ARL17B: variants seen among roughly 807,000 people sequenced by gnomAD.
ARL17B encodes ADP-ribosylation factor-like protein 17.
At position 46,302,495 on chromosome 17, in the gene ARL17B, A is replaced by G. The variant is rs908945351; in HGVS notation, c.260-2830T>C. 2.0e-4 allele frequency: 35 copies of G among 177,018 alleles called. 8 individuals carry two copies. Among genetic ancestry groups the G allele is most frequent in the African/African-American group, 1.1e-3 (34 of 31,384 alleles). The allele number at this position is 177,018 out of a possible 1,614,324, so 11.0% of individuals were successfully genotyped here. On this transcript the variant is annotated intron_variant, in intron 3 of 4. Transcript: ENST00000434041. Reference sequence around the variant, plus strand: ...ATGGACACAAAAAGGAAAATATAAGAAAAGGTTTGAATGAAAGCAGAGCAG... The same window carrying G: ...ATGGACACAAAAAGGAAAATATAAGGAAAGGTTTGAATGAAAGCAGAGCAG...
chr17:46,325,646 C>T lies in ARL17B; in HGVS notation c.260-25981G>A, dbSNP rs563402614. ...CAATTGTGAAAATGTGTATACGGAC[C>T]GCATAGTAGACAATGATAATATGAA... On this transcript the variant is annotated intron_variant, in intron 3 of 4. Coordinates refer to the ARL17B transcript ENST00000434041. 1.4e-3 allele frequency among the ~76,000 whole-genome samples: 111 copies of T among 80,898 alleles called. 34 individuals carry two copies. The highest frequency in any genetic ancestry group is 4.0e-3 in the Admixed American group (31 of 7,818). 53.1% of individuals were successfully genotyped at this position (80,898 alleles called of 152,430 possible). A position where few individuals can be genotyped will look rare whatever the true frequency, so the allele number is the denominator to read the frequency against.
At chr17:46,279,188 T>C (rs1247114310) in intron 4 of ARL17B, among the ~76,000 whole-genome samples, 4 of 114,404 alleles carry the variant, frequency 3.5e-5, no homozygotes, top group African/African-American at 7.9e-5. Context: ...TTTTTTCTTT[T>C]TTTTTTTTTT....
chr17:46,288,745 C>T (rs1369297765), intron 4 of ARL17B, among the ~76,000 whole-genome samples: 1 of 151,374 alleles, frequency 6.6e-6, no homozygotes, highest in Non-Finnish European at 1.5e-5. Flanking sequence ...ACTCTGTCAC[C>T]CAGGTTAGAG....
intron 4 of ARL17B, among the ~76,000 whole-genome samples, chr17:46,279,961 T>C (rs1211738918): frequency 1.3e-5 from 2 of 152,244 alleles, no homozygotes; most frequent in African/African-American, 4.8e-5. Flanking sequence ...TGGGGAGTGC[T>C]CCATTCTCCT....
downstream of ARL17B, chr17:46,334,813 C>T (rs555219120): frequency 1.5e-5 from 2 of 131,356 alleles, no homozygotes; most frequent in South Asian, 4.8e-4. Context: ...AGCAGGTCCA[C>T]ATCTTCAGAT....
chr17:46,317,046 T>C (rs1292469327), intron 3 of ARL17B, among the ~76,000 whole-genome samples: 1 of 89,998 alleles, frequency 1.1e-5, no homozygotes, highest in Admixed American at 1.2e-4. Flanking sequence ...CTGATTTCTG[T>C]ATCTTTTCCC....
chr17:46,284,778 A>G (rs1214897522), intron 4 of ARL17B, among the ~76,000 whole-genome samples: 33 of 152,270 alleles, frequency 2.2e-4, no homozygotes, highest in African/African-American at 3.1e-4. Flanking sequence ...TCAACCACAC[A>G]TTGAGACTAC....
At chr17:46,279,440 C>T (rs76012572) in intron 4 of ARL17B, among the ~76,000 whole-genome samples, 16,364 of 148,146 alleles carry the variant, frequency 0.11, 1 homozygote, top group Non-Finnish European at 0.17. Context: ...CACCTTGGCC[C>T]TCCAAAGTGC....
Position 46,314,539 on chromosome 17 carries a change from T to C in ARL17B, c.260-14874A>G. Reference sequence around the variant, plus strand: ...CACGTTTATCCGTTTATCAGGCTGCTCTCGAACTCCTAACCTCAGATGATC... The same window carrying C: ...CACGTTTATCCGTTTATCAGGCTGCCCTCGAACTCCTAACCTCAGATGATC... On this transcript the variant is annotated intron_variant, in intron 3 of 4. Coordinates refer to the ARL17B transcript ENST00000434041. 2.5e-5 allele frequency among the ~76,000 whole-genome samples: 2 copies of C among 79,288 alleles called. 1 individual carries two copies. Among genetic ancestry groups the C allele is most frequent in the East Asian group, 4.9e-4 (2 of 4,092 alleles). The allele number at this position is 79,288 out of a possible 152,430, so 52.0% of individuals were successfully genotyped here.
chr17:46,275,544 G>A (rs1003923127), intron 4 of ARL17B: 7 of 527,684 alleles, frequency 1.3e-5, no homozygotes, highest in African/African-American at 2.0e-5. Context: ...CTTGGCAAGC[G>A]AATAGAAAAG....
chr17:46,286,255 T>G (rs1481700383), intron 4 of ARL17B, among the ~76,000 whole-genome samples: 1 of 152,254 alleles, frequency 6.6e-6, no homozygotes, highest in Non-Finnish European at 1.5e-5. Flanking sequence ...AATTTAGTAT[T>G]TTTGATGTTA....
chr17:46,280,519 T>G (rs2696518), intron 4 of ARL17B, among the ~76,000 whole-genome samples: 18,233 of 148,440 alleles, frequency 0.12, 2 homozygotes, highest in Non-Finnish European at 0.18. Context: ...TAATTAAAAA[T>G]ATATATTATT....
intron 2 of ARL17B, among the ~76,000 whole-genome samples, chr17:46,356,867 A>G (rs921006427): frequency 7.7e-4 from 12 of 15,514 alleles, no homozygotes; most frequent in African/African-American, 3.3e-3. Context: ...CAATCTCTGC[A>G]GCTACTGCCC....
At chr17:46,334,871 TACAA>T (rs2052223594), downstream of ARL17B, 1 of 137,130 alleles carries the variant, frequency 7.3e-6, no homozygotes, top group Non-Finnish European at 1.6e-5. Context: ...CCAATAAAAA[TACAA>T]ACAGAAAGTA....
chr17:46,283,374 A>T (rs1391896629), intron 4 of ARL17B, among the ~76,000 whole-genome samples: 2 of 152,268 alleles, frequency 1.3e-5, no homozygotes, highest in African/African-American at 4.8e-5. Context: ...GTTCAAGGAA[A>T]GGCTGGGCCA....
rs192328624 is a variant in ARL17B, at chr17:46,276,546, T to C, written c.*22-1128A>G. ...AAGAAAAGAAAGAATATGGATGGTA[T>C]AAATGATGAATTATAACAAAGTGCA... On this transcript the variant is annotated intron_variant, in intron 4 of 4. Coordinates refer to the ARL17B transcript ENST00000570618. Among the ~76,000 whole-genome samples the C allele has an allele frequency of 1.6e-3, 248 of 152,342 alleles. 2 individuals are homozygous for C. The highest frequency in any genetic ancestry group is 5.7e-3 in the African/African-American group (239 of 41,576).
intron 4 of ARL17B, among the ~76,000 whole-genome samples, chr17:46,276,028 T>A (rs533967557): frequency 1.3e-5 from 2 of 152,242 alleles, no homozygotes; most frequent in East Asian, 3.9e-4. Flanking sequence ...GTAGCTGGGA[T>A]TACAGGTGCC....
At chr17:46,278,400 TG>T (rs1400314934) in intron 4 of ARL17B, among the ~76,000 whole-genome samples, 3,721 of 141,276 alleles carry the variant, frequency 0.026, 129 homozygotes, top group African/African-American at 0.083. Context: ...TGTTTTATTT[TG>T]TTTTTTTTTT....
intron 3 of ARL17B, among the ~76,000 whole-genome samples, chr17:46,325,993 G>T (rs1157665357): frequency 3.1e-5 from 2 of 63,986 alleles, no homozygotes; most frequent in African/African-American, 6.7e-5. Context: ...AAAAATTTTG[G>T]GCTCATGCCT....
Sources: allele counts gnomAD v4.1 joint callset (sites outside exome capture counted in the v4.1 genomes callset), GRCh38; gene constraint gnomAD v4.1.1; transcripts MANE v1.5; gene names NCBI Gene and HGNC (gene_info 2026-07-23, HGNC 2026-07-21).